Variants in CFAP95 observed in about 807,000 individuals in gnomAD.
The protein encoded by CFAP95 is cilia- and flagella-associated protein 95.
At chr9:69,859,065 A>G in the CFAP95 span, among the ~76,000 whole-genome samples, 2 of 152,208 alleles carry the variant, frequency 1.3e-5, no homozygotes. Flanking sequence ...CATACGTACT[A>G]AATTCTCTGC....
the CFAP95 span, among the ~76,000 whole-genome samples, chr9:69,881,363 A>G: frequency 6.6e-6 from 1 of 152,164 alleles, no homozygotes; most frequent in African/African-American, 2.4e-5. Context: ...ATAGGGGTCT[A>G]GTTTCATTTT....
the CFAP95 span, among the ~76,000 whole-genome samples, chr9:69,873,742 G>A: frequency 6.6e-6 from 1 of 152,150 alleles, no homozygotes; most frequent in Non-Finnish European, 1.5e-5. Context: ...AGGAAGCTGG[G>A]TGATAAAATA....
At chr9:69,824,674 A>G in the CFAP95 span, among the ~76,000 whole-genome samples, 2 of 152,144 alleles carry the variant, frequency 1.3e-5, no homozygotes, top group African/African-American at 4.8e-5. Flanking sequence ...TGCATGCATT[A>G]GAAAGCTTCA....
chr9:69,832,620 A>ATTTTTTTTTTTTTTTTTTTTTTTTTTTTT, the CFAP95 span, among the ~76,000 whole-genome samples: 6 of 11,350 alleles, frequency 5.3e-4, 1 homozygote, highest in African/African-American at 2.2e-3. Flanking sequence ...GTCTATTCGG[A>ATTTTTTTTTTTTTTTTTTTTTTTTTTTTT]TTTTTTTTTT....
the CFAP95 span, among the ~76,000 whole-genome samples, chr9:69,905,015 C>T: frequency 6.6e-6 from 1 of 152,126 alleles, no homozygotes; most frequent in Non-Finnish European, 1.5e-5. Context: ...AGCAAATCAT[C>T]ATTTCTACCT....
At chr9:69,834,437 T>C in the CFAP95 span, among the ~76,000 whole-genome samples, 9 of 148,494 alleles carry the variant, frequency 6.1e-5, no homozygotes, top group South Asian at 1.9e-3. Flanking sequence ...CCTCTAAAAG[T>C]GTCCCAGGTG....
the CFAP95 span, among the ~76,000 whole-genome samples, chr9:69,879,932 C>T: frequency 3.3e-5 from 5 of 152,022 alleles, no homozygotes; most frequent in East Asian, 7.7e-4. Flanking sequence ...CTATTTTGGT[C>T]TCTCACATCA....
the CFAP95 span, among the ~76,000 whole-genome samples, chr9:69,898,691 T>A: frequency 1.3e-5 from 2 of 152,130 alleles, no homozygotes; most frequent in South Asian, 4.1e-4. Flanking sequence ...TTAAATATCA[T>A]CCATGGTCCC....
chr9:69,823,747 C>T, the CFAP95 span, among the ~76,000 whole-genome samples: 10 of 151,946 alleles, frequency 6.6e-5, no homozygotes, highest in African/African-American at 2.2e-4. Flanking sequence ...AGGGTGGGGC[C>T]GTTTTATAGG....
At chr9:69,882,611 A>G in the CFAP95 span, among the ~76,000 whole-genome samples, 3 of 152,308 alleles carry the variant, frequency 2.0e-5, no homozygotes, top group South Asian at 2.1e-4. Flanking sequence ...ATTATGTTGA[A>G]GTATGTTCTT....
At chr9:69,827,776 T>C in the CFAP95 span, among the ~76,000 whole-genome samples, 1 of 152,172 alleles carries the variant, frequency 6.6e-6, no homozygotes, top group African/African-American at 2.4e-5. Context: ...GGACTACAGA[T>C]ACCTGTCAGG....
the CFAP95 span, chr9:69,887,046 T>C: frequency 0.64 from 372,193 of 586,004 alleles, 120,750 homozygotes; most frequent in East Asian, 0.84. Flanking sequence ...ATTGGAATCA[T>C]GACAATGTTT....
At chr9:69,872,787 C>G in the CFAP95 span, among the ~76,000 whole-genome samples, 13 of 152,222 alleles carry the variant, frequency 8.5e-5, no homozygotes, top group Admixed American at 7.9e-4. Flanking sequence ...AAGTTCAAGT[C>G]TGCAGTGAGC....
At chr9:69,892,169 C>T in the CFAP95 span, among the ~76,000 whole-genome samples, 1 of 151,884 alleles carries the variant, frequency 6.6e-6, no homozygotes, top group Non-Finnish European at 1.5e-5. Context: ...AAGTACATTC[C>T]TGTTGTTATA....
At chr9:69,827,702 T>G in the CFAP95 span, among the ~76,000 whole-genome samples, 1 of 152,352 alleles carries the variant, frequency 6.6e-6, no homozygotes, top group East Asian at 1.9e-4. Context: ...TGGCTGATCC[T>G]GTTGGTTTGT....
At chr9:69,860,612 T>C in the CFAP95 span, among the ~76,000 whole-genome samples, 1 of 151,854 alleles carries the variant, frequency 6.6e-6, no homozygotes, top group African/African-American at 2.4e-5. Flanking sequence ...TTCTTTTTTT[T>C]TTTTTTTAAC....
At chr9:69,825,713 G>T in the CFAP95 span, among the ~76,000 whole-genome samples, 10 of 152,260 alleles carry the variant, frequency 6.6e-5, no homozygotes, top group Non-Finnish European at 5.9e-5. Flanking sequence ...GAAATACTAA[G>T]AACCACAGCA....
At chr9:69,874,820 A>T in the CFAP95 span, among the ~76,000 whole-genome samples, 1 of 152,240 alleles carries the variant, frequency 6.6e-6, no homozygotes, top group Non-Finnish European at 1.5e-5. Flanking sequence ...TGTAAAGCAG[A>T]GCCACCTGGC....
At chr9:69,904,004 G>A in the CFAP95 span, among the ~76,000 whole-genome samples, 1 of 152,328 alleles carries the variant, frequency 6.6e-6, no homozygotes, top group African/African-American at 2.4e-5. Flanking sequence ...GATTACAGGA[G>A]TGAGCCTCTG....
Sources: gnomAD v4.1 joint callset for allele counts (sites outside exome capture counted in the v4.1 genomes callset) on GRCh38, gnomAD v4.1.1 for gene constraint, MANE v1.5 for transcripts, NCBI Gene and HGNC (gene_info 2026-07-23, HGNC 2026-07-21) for gene names.